MDGA2: variants seen among roughly 807,000 people sequenced by gnomAD.
MDGA2 encodes MAM domain-containing glycosylphosphatidylinositol anchor protein 2.
Under a neutral mutation model 117.8 loss-of-function variants are expected in MDGA2, and 40 were observed. The ratio of observed to expected loss-of-function variants is 0.34; its 90% CI spans 0.26 to 0.44. The LOEUF (loss-of-function observed/expected upper bound fraction) is 0.44, where lower values mean the gene tolerates loss of function less well. Among genes scored for constraint, MDGA2 ranks in the 20% least tolerant of loss-of-function variants. The pLI is 1.00. For missense variants in MDGA2, 1,123 were observed against 1,250.6 expected (o/e 0.90, Z 1.54); for synonymous variants, 452 against 439.0 (o/e 1.03, Z -0.37).
At chr14:46,904,891 C>T (rs1883429867) in intron 10 of MDGA2, among the ~76,000 whole-genome samples, 1 of 152,114 alleles carries the variant, frequency 6.6e-6, no homozygotes, top group South Asian at 2.1e-4. Context: ...CACATTTGTA[C>T]TATTAGAAGG....
chr14:47,588,007 T>G (rs2138853235), intron 1 of MDGA2, among the ~76,000 whole-genome samples: 1 of 151,848 alleles, frequency 6.6e-6, no homozygotes, highest in East Asian at 1.9e-4. Context: ...TTTCTTTCAC[T>G]TAACTTGTTT....
intron 9 of MDGA2, among the ~76,000 whole-genome samples, chr14:46,946,950 C>T (rs1885190370): frequency 1.3e-5 from 2 of 152,044 alleles, no homozygotes; most frequent in Non-Finnish European, 2.9e-5. Context: ...TTGGCATTGA[C>T]TCAAGTCTTA....
Position 46,966,078 on chromosome 14 carries a change from A to C in MDGA2, c.1820-8435T>G, listed in dbSNP as rs531640337. Among the ~76,000 whole-genome samples, 271 of 143,008 alleles carry C rather than the reference A, an allele frequency of 1.9e-3. 1 individual carries two copies. The highest frequency in any genetic ancestry group is 3.3e-3 in the Non-Finnish European group (225 of 67,806). The allele number at this position is 143,008 out of a possible 152,430, so 93.8% of individuals were successfully genotyped here. A position where few individuals can be genotyped will look rare whatever the true frequency, so the allele number is the denominator to read the frequency against. ...AAACTACCACACTACATGTATACTGAAGGATGATTATAAAAATAAAGATTA... is the reference window on the plus strand; with the variant it reads ...AAACTACCACACTACATGTATACTGCAGGATGATTATAAAAATAAAGATTA... On this transcript the variant is annotated intron_variant, in intron 8 of 16. Coordinates refer to ENST00000399232, the MANE Select transcript of MDGA2 (RefSeq NM_001113498.3).
intron 1 of MDGA2, among the ~76,000 whole-genome samples, chr14:47,533,591 C>T (rs1895146700): frequency 6.6e-6 from 1 of 152,178 alleles, no homozygotes; most frequent in Non-Finnish European, 1.5e-5. Flanking sequence ...AAAACACCAC[C>T]ACATATTAGA....
intron 2 of MDGA2, among the ~76,000 whole-genome samples, chr14:47,267,582 T>A (rs1164159482): frequency 1.3e-5 from 2 of 152,168 alleles, no homozygotes; most frequent in Non-Finnish European, 2.9e-5. Flanking sequence ...TTCCATTATT[T>A]TCTGGAAATA....
intron 1 of MDGA2, among the ~76,000 whole-genome samples, chr14:47,319,500 T>G (rs907430711): frequency 6.6e-6 from 1 of 152,168 alleles, no homozygotes; most frequent in African/African-American, 2.4e-5. Flanking sequence ...CATTTTCAGC[T>G]AACACATGCT....
At chr14:47,027,047 C>T (rs781090247) in intron 8 of MDGA2, among the ~76,000 whole-genome samples, 3 of 151,916 alleles carry the variant, frequency 2.0e-5, no homozygotes, top group Non-Finnish European at 4.4e-5. Flanking sequence ...GTGGCTCACA[C>T]CTGTAATCCC....
chr14:47,031,741 C>T (rs901405773), intron 8 of MDGA2, among the ~76,000 whole-genome samples: 11 of 152,052 alleles, frequency 7.2e-5, no homozygotes, highest in African/African-American at 2.7e-4. Flanking sequence ...ACTGCCATTG[C>T]GATAGGATAG....
At chr14:47,146,418 A>G (rs1037189543) in intron 3 of MDGA2, among the ~76,000 whole-genome samples, 6 of 152,190 alleles carry the variant, frequency 3.9e-5, no homozygotes, top group African/African-American at 1.4e-4. Context: ...TCATTCTATT[A>G]GCTGTGCAGC....
At chr14:46,887,244 T>C (rs892870256) in intron 10 of MDGA2, among the ~76,000 whole-genome samples, 2 of 152,042 alleles carry the variant, frequency 1.3e-5, no homozygotes, top group Non-Finnish European at 2.9e-5. Flanking sequence ...TTATATGTAA[T>C]ATCCCACAAA....
At chr14:47,600,490 G>C (rs207474809) in intron 1 of MDGA2, among the ~76,000 whole-genome samples, 5 of 151,946 alleles carry the variant, frequency 3.3e-5, no homozygotes, top group African/African-American at 9.7e-5. Context: ...TCTAATACTT[G>C]ACCTAATTCT....
intron 1 of MDGA2, among the ~76,000 whole-genome samples, chr14:47,324,782 C>A (rs563894711): frequency 2.0e-5 from 3 of 152,028 alleles, no homozygotes; most frequent in South Asian, 2.1e-4. Context: ...GATTATCTCA[C>A]CCTCGTGAAA....
chr14:46,916,672 G>A (rs767510418), intron 10 of MDGA2, among the ~76,000 whole-genome samples: 4 of 151,926 alleles, frequency 2.6e-5, no homozygotes, highest in Non-Finnish European at 4.4e-5. Flanking sequence ...GTGTCTACGT[G>A]CTCCTTCTCT....
intron 8 of MDGA2, among the ~76,000 whole-genome samples, chr14:46,984,128 C>T (rs1300311670): frequency 6.6e-6 from 1 of 151,944 alleles, no homozygotes; most frequent in Non-Finnish European, 1.5e-5. Flanking sequence ...GTACCAGTCT[C>T]TACATCTGCA....
chr14:47,485,172 C>T (rs1013440582), intron 1 of MDGA2, among the ~76,000 whole-genome samples: 2 of 152,020 alleles, frequency 1.3e-5, no homozygotes, highest in Non-Finnish European at 2.9e-5. Flanking sequence ...GAGAATAATG[C>T]TGATAGTGAT....
intron 2 of MDGA2, among the ~76,000 whole-genome samples, chr14:47,266,789 A>G (rs1284543399): frequency 6.6e-6 from 1 of 152,052 alleles, no homozygotes; most frequent in African/African-American, 2.4e-5. Flanking sequence ...ACTCTTCTCC[A>G]ACACTTCCAG....
Position 47,178,915 on chromosome 14 carries a change from G to T in MDGA2, c.596-34641C>A, listed in dbSNP as rs539741605. Among the ~76,000 whole-genome samples the T allele has an allele frequency of 6.1e-4, 93 of 152,222 alleles. 1 individual carries two copies. Among genetic ancestry groups the T allele is most frequent in the African/African-American group, 2.1e-3 (88 of 41,538 alleles). ...TACAGTATACAAGTACCTTATACTTGTAGGTATAAGAGAACAAGGTATATT... is the reference window on the plus strand; with the variant it reads ...TACAGTATACAAGTACCTTATACTTTTAGGTATAAGAGAACAAGGTATATT... On this transcript the variant is annotated intron_variant, in intron 3 of 16. Transcript: ENST00000399232.
chr14:47,049,281 A>G (rs139230339), intron 7 of MDGA2, among the ~76,000 whole-genome samples: 1 of 152,128 alleles, frequency 6.6e-6, no homozygotes, highest in African/African-American at 2.4e-5. Context: ...TATTCACAGG[A>G]CATGGAGATG....
intron 6 of MDGA2, among the ~76,000 whole-genome samples, chr14:47,091,916 C>T (rs1038876643): frequency 6.6e-6 from 1 of 152,118 alleles, no homozygotes; most frequent in Non-Finnish European, 1.5e-5. Context: ...CCACATGGAA[C>T]AACCTCCCCA....
Sources: gnomAD v4.1 joint callset for allele counts (sites outside exome capture counted in the v4.1 genomes callset) on GRCh38, gnomAD v4.1.1 for gene constraint, MANE v1.5 for transcripts, NCBI Gene and HGNC (gene_info 2026-07-23, HGNC 2026-07-21) for gene names.